VWF: variants seen among roughly 807,000 people sequenced by gnomAD.
VWF encodes the protein von Willebrand factor, also known as Factor VIII related antigen.
Under a neutral mutation model 308.6 loss-of-function variants are expected in VWF, and 176 were observed. The observed-to-expected ratio is 0.57, with a 90% CI of 0.50 to 0.65. VWF has a LOEUF of 0.65. Among genes scored for constraint, VWF ranks in the 30% least tolerant of loss-of-function variants. The pLI is 0.00. For missense variants in VWF, 3,146 were observed against 3,648.2 expected, an observed-to-expected ratio of 0.86 and a Z score of 3.55; for synonymous variants, 1,385 against 1,443.4, an observed-to-expected ratio of 0.96 and a Z score of 0.92.
At chr12:6,106,475 A>T (rs1285542535) in intron 5 of VWF, among the ~76,000 whole-genome samples, 2 of 152,222 alleles carry the variant, frequency 1.3e-5, no homozygotes, top group Non-Finnish European at 1.5e-5. Flanking sequence ...ATAAAGTTTC[A>T]GTTCTGCAAG....
intron 5 of VWF, among the ~76,000 whole-genome samples, chr12:6,108,334 T>TATACACACACAC (rs374693235): frequency 0.16 from 20,229 of 123,662 alleles, 2,076 homozygotes; most frequent in Middle Eastern, 0.25. Context: ...AAGAAATATA[T>TATACACACACAC]ACACACACAC....
At chr12:6,045,610 C>T (rs983527460) in intron 17 of VWF, among the ~76,000 whole-genome samples, 1 of 152,136 alleles carries the variant, frequency 6.6e-6, no homozygotes, top group Non-Finnish European at 1.5e-5. Context: ...GGATCTTGCC[C>T]CAGCTCTAGG....
Position 6,099,275 on chromosome 12 carries a change from C to T in VWF, c.533-3691G>A, listed in dbSNP as rs142418059. Among the ~76,000 whole-genome samples, 265 of 147,584 alleles carry T rather than the reference C, an allele frequency of 1.8e-3. 2 individuals carry two copies. In the East Asian group the frequency reaches 0.026, roughly 15 times the overall value. ...AGGAGGTTGCAGTGAGCCCCGATCGCGCCACTGCACTCCAGCCTGGGGGAC... is the reference window on the plus strand; with the variant it reads ...AGGAGGTTGCAGTGAGCCCCGATCGTGCCACTGCACTCCAGCCTGGGGGAC... On this transcript the variant is annotated intron_variant, in intron 5 of 51. Transcript: ENST00000261405.
intron 5 of VWF, among the ~76,000 whole-genome samples, chr12:6,099,269 C>T (rs974588610): frequency 1.4e-5 from 2 of 146,920 alleles, no homozygotes; most frequent in Admixed American, 6.9e-5. Context: ...CAGTGAGCCC[C>T]GATCGCGCCA....
chr12:5,999,884 C>T (rs1448711551), intron 34 of VWF, among the ~76,000 whole-genome samples: 2 of 151,706 alleles, frequency 1.3e-5, no homozygotes, highest in African/African-American at 2.4e-5. Context: ...GCAAAGTCAA[C>T]TCTGAAATAA....
rs144805849 is a variant in VWF, at chr12:6,027,351, A to T, written c.2968-1305T>A. On this transcript the variant is annotated intron_variant, in intron 22 of 51. Transcript: ENST00000261405. ...GACTCATTCCCTCCCTTCCCCAAAGATTCTGCTCTTACATCCCCTCTTCAC... is the reference window on the plus strand; with the variant it reads ...GACTCATTCCCTCCCTTCCCCAAAGTTTCTGCTCTTACATCCCCTCTTCAC... Among the ~76,000 whole-genome samples the T allele has an allele frequency of 1.1e-3, 162 of 152,306 alleles. 1 individual carries two copies. Among genetic ancestry groups the T allele is most frequent in the Middle Eastern group, 0.01 (3 of 292 alleles).
chr12:6,069,496 G>A (rs896569054), intron 10 of VWF, among the ~76,000 whole-genome samples: 1 of 152,002 alleles, frequency 6.6e-6, no homozygotes, highest in Admixed American at 6.6e-5. Context: ...GAACCATACC[G>A]CCTATTCTTC....
At chr12:6,062,917 G>A (rs760342997) in intron 13 of VWF, 37 bp downstream of exon 13, 20 of 1,560,854 alleles carry the variant, frequency 1.3e-5, no homozygotes, top group African/African-American at 2.7e-5. Context: ...TGTAAGGGTC[G>A]GGCCGCAGGG....
chr12:6,013,309 C>T (rs548940789), intron 32 of VWF, among the ~76,000 whole-genome samples, 172 bp downstream of exon 32: 1 of 152,334 alleles, frequency 6.6e-6, no homozygotes, highest in Admixed American at 6.5e-5. Context: ...TTGTGGTATA[C>T]ACCTCCCATG....
At position 6,044,601 on chromosome 12, in the gene VWF, T is replaced by C. The variant is rs1356563934; in HGVS notation, c.2282-150A>G. ...GGACCAGCAGCTGCCTGAGCCAGGG[T>C]CCCTGTGTGGGACTGGGAGGGCATC... On this transcript the variant is annotated intron_variant, in intron 17 of 51. Coordinates refer to ENST00000261405, the MANE Select transcript of VWF (RefSeq NM_000552.5). 6.1e-6 allele frequency: 6 copies of C among 990,694 alleles called. No homozygotes were observed. In the East Asian group the frequency reaches 7.8e-5, roughly 13 times the overall value. The allele number at this position is 990,694 out of a possible 1,614,324, so 61.4% of individuals were successfully genotyped here.
At chr12:6,037,113 T>C (rs1320257865) in intron 18 of VWF, among the ~76,000 whole-genome samples, 5 of 152,182 alleles carry the variant, frequency 3.3e-5, no homozygotes, top group Non-Finnish European at 7.3e-5. Context: ...ATACATATGG[T>C]TCCAAATGTA....
At chr12:6,108,368 A>ACACACACACAC (rs1565393069) in intron 5 of VWF, among the ~76,000 whole-genome samples, 13 of 92,720 alleles carry the variant, frequency 1.4e-4, no homozygotes, top group South Asian at 3.2e-4. Flanking sequence ...CACACACACA[A>ACACACACACAC]AGCAAAATTT....
intron 18 of VWF, among the ~76,000 whole-genome samples, chr12:6,037,598 C>A (rs572711065): frequency 1.3e-5 from 2 of 152,362 alleles, no homozygotes; most frequent in South Asian, 2.1e-4. Flanking sequence ...CATGCAGACA[C>A]GCTTCTGTCC....
At chr12:6,072,711 C>T (rs1211901520) in intron 8 of VWF, among the ~76,000 whole-genome samples, 2 of 152,250 alleles carry the variant, frequency 1.3e-5, no homozygotes, top group East Asian at 3.9e-4. Flanking sequence ...TTCCAGGAAG[C>T]TCAAGAATGT....
At chr12:6,074,388 A>G (rs1239833448) in intron 7 of VWF, among the ~76,000 whole-genome samples, 1 of 151,564 alleles carries the variant, frequency 6.6e-6, no homozygotes, top group East Asian at 1.9e-4. Context: ...ACCGAAACAC[A>G]TAAGCACTCT....
At chr12:5,991,237 A>G (rs1264351726) in intron 38 of VWF, among the ~76,000 whole-genome samples, 1 of 151,874 alleles carries the variant, frequency 6.6e-6, no homozygotes, top group Non-Finnish European at 1.5e-5. Context: ...TGATCAAATA[A>G]GTTTGAGAAA....
intron 47 of VWF, among the ~76,000 whole-genome samples, chr12:5,962,085 C>A (rs1943324678): frequency 6.6e-6 from 1 of 152,212 alleles, no homozygotes; most frequent in African/African-American, 2.4e-5. Flanking sequence ...ATCAAATCTG[C>A]TGGTACCTCA....
intron 15 of VWF, among the ~76,000 whole-genome samples, chr12:6,053,814 T>A (rs1305688310): frequency 1.3e-5 from 2 of 152,254 alleles, no homozygotes; most frequent in Non-Finnish European, 2.9e-5. Context: ...TGTTCACTGA[T>A]AATAATTATT....
chr12:6,046,625 C>G lies in VWF; in HGVS notation c.2281+98G>C, dbSNP rs1020071107. 15 of 1,220,482 alleles carry G rather than the reference C, an allele frequency of 1.2e-5. No individual in the cohort carries two copies. The highest frequency in any genetic ancestry group is 1.6e-5 in the Non-Finnish European group (13 of 826,076). The allele number at this position is 1,220,482 out of a possible 1,614,324, so 75.6% of individuals were successfully genotyped here. On this transcript the variant is annotated intron_variant, in intron 17 of 51. Coordinates refer to ENST00000261405, the MANE Select transcript of VWF (RefSeq NM_000552.5). The surrounding 1 kb of genome is among the most constrained non-coding windows in gnomAD (Gnocchi z 5.0). ...CCAGACCCATGCCTGGGTGCACACG[C>G]ACATCTGACGGTGTCACCCAGCTCT...
Sources: gnomAD v4.1 joint callset for allele counts (sites outside exome capture counted in the v4.1 genomes callset) on GRCh38, gnomAD v4.1.1 for gene constraint, Gnocchi (gnomAD v3.1) non-coding constraint, MANE v1.5 for transcripts, NCBI Gene and HGNC (gene_info 2026-07-23, HGNC 2026-07-21) for gene names.